The following PAK3 variants were observed in gnomAD, a reference collection of about 807,000 sequenced individuals.
PAK3 encodes serine/threonine-protein kinase PAK 3.
In PAK3, 4 loss-of-function variants were observed where a neutral mutation model predicts 41.0. The ratio of observed to expected loss-of-function variants is 0.10; its 90% CI spans 0.05 to 0.22. The LOEUF (loss-of-function observed/expected upper bound fraction) is 0.22, where lower values mean the gene tolerates loss of function less well. Ranked by LOEUF, PAK3 falls within the 10% of genes least tolerant of loss-of-function variation. The probability of loss-of-function intolerance (pLI) is 1.00; values close to 1 mark genes in which losing one functional copy is unlikely to be tolerated. For missense variants in PAK3, 205 were observed against 409.9 expected (o/e 0.50, Z 4.32); for synonymous variants, 146 against 139.6 (o/e 1.05, Z -0.32).
At position 110,977,763 on chromosome X, in the gene PAK3, C is replaced by T. The variant is rs186743321; in HGVS notation, c.-28+33135C>T. 1.1e-3 allele frequency among the ~76,000 whole-genome samples: 122 copies of T among 111,877 alleles called. 1 individual carries two copies. The highest frequency in any genetic ancestry group is 3.9e-3 in the African/African-American group (119 of 30,903). On this transcript the variant is annotated intron_variant, in intron 1 of 14. Coordinates refer to the PAK3 transcript ENST00000425146. ...TATAATGATCTTGTACCCTGCAACC[C>T]TATTTAACTTGTTTATTAGTTCTAA...
At chrX:111,152,520 T>A (rs2094043626) in intron 8 of PAK3, 73 bp downstream of exon 8, 6 of 706,273 alleles carry the variant, frequency 8.5e-6, no homozygotes, top group Non-Finnish European at 1.4e-5. Flanking sequence ...ACTGCACAGA[T>A]CCAGTTTTTA....
chrX:110,944,964 G>A (rs1391991370), intron 1 of PAK3, among the ~76,000 whole-genome samples: 1 of 112,005 alleles, frequency 8.9e-6, no homozygotes, highest in Non-Finnish European at 1.9e-5. Flanking sequence ...GGCGGGGAGA[G>A]ATGGATGGAG....
chrX:111,160,471 T>TTTTATTTTG (rs1175886027), intron 8 of PAK3, among the ~76,000 whole-genome samples: 4 of 98,215 alleles, frequency 4.1e-5, no homozygotes, highest in African/African-American at 2.0e-4. Flanking sequence ...ATTTTATTTT[T>TTTTATTTTG]TATTATTATT....
chrX:111,130,580 T>G (rs1255414676), intron 5 of PAK3, among the ~76,000 whole-genome samples: 1 of 111,858 alleles, frequency 8.9e-6, no homozygotes, highest in African/African-American at 3.2e-5. Flanking sequence ...GGCAGGAGAA[T>G]GGACCTTCCA....
intron 16 of PAK3, among the ~76,000 whole-genome samples, chrX:111,210,572 T>G (rs190426525): frequency 2.7e-5 from 3 of 112,184 alleles, no homozygotes; most frequent in East Asian, 5.6e-4. Flanking sequence ...TGAGCTTTAA[T>G]ACTTATGTAT....
At chrX:111,075,051 C>A (rs977566154) in intron 1 of PAK3, among the ~76,000 whole-genome samples, 7 of 110,644 alleles carry the variant, frequency 6.3e-5, no homozygotes, top group Non-Finnish European at 9.4e-5. Flanking sequence ...ACAGGAGCAA[C>A]GAAATGACTT....
chrX:111,147,944 G>C (rs1199972656), intron 7 of PAK3, 54 bp downstream of exon 7: 2 of 1,007,146 alleles, frequency 2.0e-6, no homozygotes, highest in African/African-American at 3.7e-5. Context: ...ATTTCAGAGT[G>C]TCATGTTGAG....
intron 1 of PAK3, among the ~76,000 whole-genome samples, chrX:111,076,699 A>G (rs2092788660): frequency 8.9e-6 from 1 of 112,093 alleles, no homozygotes; most frequent in African/African-American, 3.2e-5. Flanking sequence ...ATGTATGACA[A>G]ACCCATAGCT....
intron 16 of PAK3, among the ~76,000 whole-genome samples, chrX:111,207,064 A>G (rs1288993432): frequency 9.5e-6 from 1 of 104,998 alleles, no homozygotes; most frequent in Non-Finnish European, 1.9e-5. Flanking sequence ...CAATGTAGAT[A>G]GATATATACG....
In PAK3 at chrX:111,224,573, T is replaced by C. The variant is rs370068733; in HGVS notation, c.*4126T>C. 1 of 112,582 alleles carries C rather than the reference T, an allele frequency of 8.9e-6. No individual in the cohort carries two copies. The highest frequency in any genetic ancestry group is 2.8e-4 in the East Asian group (1 of 3,581). The allele number at this position is 112,582 out of a possible 1,213,427, so 9.3% of individuals were successfully genotyped here. A position where few individuals can be genotyped will look rare whatever the true frequency, so the allele number is the denominator to read the frequency against. On this transcript the variant is annotated 3_prime_UTR_variant, in exon 18 of 18. Transcript: ENST00000372007. Reference sequence around the variant, plus strand: ...GCTGACTTTGAAATCATTAAACAAATATGTAGGACTGTCTCTGCCTGTTGG... The same window carrying C: ...GCTGACTTTGAAATCATTAAACAAACATGTAGGACTGTCTCTGCCTGTTGG...
chrX:111,208,611 G>A (rs762237050), intron 16 of PAK3, among the ~76,000 whole-genome samples: 64 of 112,294 alleles, frequency 5.7e-4, no homozygotes, highest in African/African-American at 2.0e-3. Flanking sequence ...TTATAGCCTA[G>A]GAGCAATAGG....
At chrX:110,973,705 C>G (rs912416450) in intron 1 of PAK3, among the ~76,000 whole-genome samples, 2 of 112,076 alleles carry the variant, frequency 1.8e-5, no homozygotes. Flanking sequence ...ATCAAATTCA[C>G]ACATACCAAT....
rs187307881 is a variant in PAK3 at position 111,142,130 on chromosome X, C to T, written c.210C>T (p.Ile70=). Residue 70 remains isoleucine, a synonymous_variant, in exon 6 of 18, where the codon ATC becomes ATT. Coordinates refer to ENST00000372007, the MANE Select transcript of PAK3 (RefSeq NM_002578.5). Reference sequence around the variant, plus strand: ...AGAAGGAGAAAGAGCGCCCAGAGATCTCTCTTCCTTCAGACTTTGAGCATA... The same window carrying T: ...AGAAGGAGAAAGAGCGCCCAGAGATTTCTCTTCCTTCAGACTTTGAGCATA... ...NKKKEKERPE[I]SLPSDFEHTI... is the part of the protein sequence containing the mutation. The T allele has an allele frequency of 1.7e-6, 2 of 1,199,207 alleles. No homozygotes were observed.
intron 1 of PAK3, among the ~76,000 whole-genome samples, chrX:111,018,268 A>G (rs1219806874): frequency 8.9e-6 from 1 of 111,819 alleles, no homozygotes; most frequent in African/African-American, 3.2e-5. Flanking sequence ...ATAAATAAAA[A>G]GAATCTAAAT....
chrX:111,054,924 A>AT (rs1230357636), intron 1 of PAK3, among the ~76,000 whole-genome samples: 1 of 111,828 alleles, frequency 8.9e-6, no homozygotes, highest in East Asian at 2.8e-4. Context: ...GTCAGTGTCC[A>AT]TGCAGAATCT....
chrX:111,068,979 A>G (rs191283224), intron 1 of PAK3, among the ~76,000 whole-genome samples: 1 of 111,941 alleles, frequency 8.9e-6, no homozygotes, highest in African/African-American at 3.2e-5. Flanking sequence ...CGTATTCTCA[A>G]TCGATACAAA....
chrX:110,968,777 G>C (rs1455879772), intron 1 of PAK3, among the ~76,000 whole-genome samples: 1 of 111,027 alleles, frequency 9.0e-6, no homozygotes, highest in Admixed American at 9.6e-5. Flanking sequence ...TCAGTCTTCA[G>C]CTTTTCTTTT....
intron 5 of PAK3, among the ~76,000 whole-genome samples, chrX:111,125,102 A>G (rs2093629664): frequency 8.9e-6 from 1 of 111,777 alleles, no homozygotes; most frequent in East Asian, 2.8e-4. Context: ...ACTGTCTGAA[A>G]ATCCTAGTGC....
chrX:111,112,522 A>G (rs1246503055), intron 4 of PAK3, among the ~76,000 whole-genome samples: 4 of 110,187 alleles, frequency 3.6e-5, no homozygotes, highest in African/African-American at 1.3e-4. Flanking sequence ...CTTTCCTTTA[A>G]TACCCTGTTC....
Sources: allele counts gnomAD v4.1 joint callset (sites outside exome capture counted in the v4.1 genomes callset), GRCh38; gene constraint gnomAD v4.1.1; transcripts MANE v1.5; gene names NCBI Gene and HGNC (gene_info 2026-07-23, HGNC 2026-07-21).